Variants in IL1RAPL2 observed in about 807,000 individuals in gnomAD.
IL1RAPL2 encodes the protein interleukin 1 receptor accessory protein like 2, also known as X-linked interleukin-1 receptor accessory protein-like 2.
Under a neutral mutation model 44.1 loss-of-function variants are expected in IL1RAPL2, and 3 were observed. That is an observed-to-expected ratio of 0.07 (90% CI 0.03 to 0.18). IL1RAPL2 has a LOEUF of 0.18. Among genes scored for constraint, IL1RAPL2 ranks in the 10% least tolerant of loss-of-function variants. The pLI is 1.00. For synonymous variants in IL1RAPL2, 181 were observed against 178.8 expected (o/e 1.01, Z -0.10); for missense variants, 391 against 496.4 (o/e 0.79, Z 2.02).
At chrX:104,893,786 G>T (rs112077130) in intron 2 of IL1RAPL2, among the ~76,000 whole-genome samples, 1 of 111,257 alleles carries the variant, frequency 9.0e-6, no homozygotes, top group Admixed American at 9.6e-5. Context: ...GCCCATTTAC[G>T]TTTAAGGTTA....
At chrX:105,059,737 G>A (rs765823943) in intron 2 of IL1RAPL2, among the ~76,000 whole-genome samples, 1 of 111,229 alleles carries the variant, frequency 9.0e-6, no homozygotes, top group South Asian at 3.9e-4. Flanking sequence ...CACCATGTTG[G>A]CAAGGCTGGT....
chrX:105,750,361 A>T (rs1602554692), intron 9 of IL1RAPL2, among the ~76,000 whole-genome samples: 1 of 101,446 alleles, frequency 9.9e-6, no homozygotes, highest in South Asian at 4.6e-4. Flanking sequence ...GCAGCCTCGA[A>T]CTCCTGTACT....
chrX:104,787,995 G>A (rs1932807263), intron 2 of IL1RAPL2, among the ~76,000 whole-genome samples: 1 of 111,572 alleles, frequency 9.0e-6, no homozygotes, highest in Non-Finnish European at 1.9e-5. Context: ...AGGTGTAATG[G>A]TCCTCAATGC....
intron 5 of IL1RAPL2, among the ~76,000 whole-genome samples, chrX:105,426,332 C>G (rs890129648): frequency 9.0e-6 from 1 of 110,878 alleles, no homozygotes; most frequent in African/African-American, 3.3e-5. Context: ...TTGAACTCCT[C>G]TCACACACTA....
At chrX:105,126,327 T>C (rs962180387) in intron 2 of IL1RAPL2, among the ~76,000 whole-genome samples, 1 of 67,165 alleles carries the variant, frequency 1.5e-5, no homozygotes, top group South Asian at 1.1e-3. Flanking sequence ...AAGGAATCAG[T>C]TGGAAAAAGC....
At chrX:104,943,627 C>G (rs1420367546) in intron 2 of IL1RAPL2, among the ~76,000 whole-genome samples, 2 of 111,367 alleles carry the variant, frequency 1.8e-5, no homozygotes, top group Non-Finnish European at 3.8e-5. Flanking sequence ...CCCACCTCCT[C>G]CTTCTAGTCT....
intron 2 of IL1RAPL2, among the ~76,000 whole-genome samples, chrX:104,805,256 C>A (rs777898060): frequency 1.8e-5 from 2 of 111,691 alleles, no homozygotes; most frequent in Non-Finnish European, 3.8e-5. Context: ...GAACGCTAAG[C>A]ATGTGGGAAT....
intron 6 of IL1RAPL2, among the ~76,000 whole-genome samples, chrX:105,613,783 CTG>C (rs1420665728): frequency 4.5e-5 from 5 of 111,716 alleles, no homozygotes; most frequent in Admixed American, 9.5e-5. Flanking sequence ...GTAGGAAGGA[CTG>C]TGTCTCAAGG....
At chrX:105,115,970 G>C in intron 2 of IL1RAPL2, among the ~76,000 whole-genome samples, 1 of 113,280 alleles carries the variant, frequency 8.8e-6, no homozygotes, top group East Asian at 2.8e-4. Flanking sequence ...GCCCCTCACT[G>C]CCTGGGGCTT....
chrX:104,837,583 T>A (rs1209555844), intron 2 of IL1RAPL2, among the ~76,000 whole-genome samples: 6 of 112,209 alleles, frequency 5.3e-5, no homozygotes, highest in East Asian at 2.8e-4. Flanking sequence ...TGTTTGTTTT[T>A]TTCTTGTAAA....
At chrX:104,688,440 C>G (rs1020961627) in intron 2 of IL1RAPL2, among the ~76,000 whole-genome samples, 1 of 111,043 alleles carries the variant, frequency 9.0e-6, no homozygotes. Context: ...TGGCTATCTC[C>G]CCACTAGACT....
chrX:104,737,711 A>G (rs925423160), intron 2 of IL1RAPL2, among the ~76,000 whole-genome samples: 4 of 111,880 alleles, frequency 3.6e-5, no homozygotes, highest in Non-Finnish European at 7.5e-5. Context: ...ATCAACTCTC[A>G]CTAGTAAAGG....
chrX:105,165,979 G>C (rs942873772), intron 2 of IL1RAPL2, among the ~76,000 whole-genome samples: 1 of 111,607 alleles, frequency 9.0e-6, no homozygotes, highest in Non-Finnish European at 1.9e-5. Flanking sequence ...GCATAGCCTT[G>C]GGAGCAGTAT....
intron 6 of IL1RAPL2, among the ~76,000 whole-genome samples, chrX:105,609,429 T>TGAGA (rs758093940): frequency 9.2e-6 from 1 of 108,435 alleles, no homozygotes; most frequent in African/African-American, 3.3e-5. Context: ...AAATAGTGCA[T>TGAGA]GAGAGAGAGA....
intron 2 of IL1RAPL2, among the ~76,000 whole-genome samples, chrX:105,062,668 A>G (rs747865074): frequency 1.8e-5 from 2 of 111,411 alleles, no homozygotes; most frequent in South Asian, 7.5e-4. Context: ...AAAGTATTTT[A>G]CCTTCGTGTT....
chrX:105,211,113 C>G (rs1198238874), intron 3 of IL1RAPL2, among the ~76,000 whole-genome samples: 2 of 111,245 alleles, frequency 1.8e-5, no homozygotes, highest in African/African-American at 3.3e-5. Context: ...AGCTTTGTAG[C>G]TAGATTTTCC....
chrX:104,704,723 T>C (rs1286707089), intron 2 of IL1RAPL2, among the ~76,000 whole-genome samples: 4 of 112,071 alleles, frequency 3.6e-5, no homozygotes, highest in African/African-American at 1.3e-4. Flanking sequence ...AAACTCAATA[T>C]ACTCTAATAG....
At chrX:105,383,745 C>T (rs1270007970) in intron 5 of IL1RAPL2, among the ~76,000 whole-genome samples, 2 of 112,136 alleles carry the variant, frequency 1.8e-5, no homozygotes, top group Non-Finnish European at 3.8e-5. Flanking sequence ...AGAAGCGTTG[C>T]CCTTTCTCCA....
At chrX:105,736,877 G>T (rs1205602857) in intron 7 of IL1RAPL2, among the ~76,000 whole-genome samples, 1 of 111,406 alleles carries the variant, frequency 9.0e-6, no homozygotes, top group Non-Finnish European at 1.9e-5. Context: ...TGGATTATTG[G>T]GTATATACCC....
Sources: allele counts gnomAD v4.1 joint callset (sites outside exome capture counted in the v4.1 genomes callset), GRCh38; gene constraint gnomAD v4.1.1; transcripts MANE v1.5; gene names NCBI Gene and HGNC (gene_info 2026-07-23, HGNC 2026-07-21).